GLIS3: variants seen among roughly 807,000 people sequenced by gnomAD.
GLIS3 encodes the protein GLIS family zinc finger 3, also known as zinc finger protein GLIS3.
Under a neutral mutation model 78.6 loss-of-function variants are expected in GLIS3, and 53 were observed. That is an observed-to-expected ratio of 0.67 (90% CI 0.54 to 0.85). The LOEUF (loss-of-function observed/expected upper bound fraction) is 0.85, where lower values mean the gene tolerates loss of function less well. Ranked by LOEUF, GLIS3 falls within the 40% of genes least tolerant of loss-of-function variation. The pLI is 0.00. For missense variants in GLIS3, 1,703 were observed against 1,231.1 expected (o/e 1.38, Z -5.74); for synonymous variants, 684 against 509.9 (o/e 1.34, Z -4.60).
chr9:4,198,949 T>C (rs1819114628), intron 2 of GLIS3, among the ~76,000 whole-genome samples: 1 of 152,218 alleles, frequency 6.6e-6, no homozygotes, highest in Non-Finnish European at 1.5e-5. Flanking sequence ...AAGAATTTCA[T>C]ATCCCACCAA....
At chr9:3,848,291 G>A (rs773385154) in intron 9 of GLIS3, among the ~76,000 whole-genome samples, 2 of 151,984 alleles carry the variant, frequency 1.3e-5, no homozygotes, top group African/African-American at 2.4e-5. Flanking sequence ...ACCTGGGCTC[G>A]GGAGTTCAAG....
chr9:4,104,932 T>C (rs753707942), intron 4 of GLIS3, among the ~76,000 whole-genome samples: 3 of 152,120 alleles, frequency 2.0e-5, no homozygotes, highest in Non-Finnish European at 2.9e-5. Context: ...ATGAGTGAAA[T>C]AGAGATAGTT....
At chr9:3,933,654 C>G (rs1374408276) in intron 5 of GLIS3, among the ~76,000 whole-genome samples, 1 of 152,090 alleles carries the variant, frequency 6.6e-6, no homozygotes, top group Non-Finnish European at 1.5e-5. Context: ...AGACCTGAAA[C>G]CATGTCTTGG....
At chr9:3,870,999 G>A (rs892967252) in intron 8 of GLIS3, among the ~76,000 whole-genome samples, 31 of 152,316 alleles carry the variant, frequency 2.0e-4, no homozygotes, top group African/African-American at 7.5e-4. Flanking sequence ...CAGATACAAT[G>A]GGGATACAGA....
the GLIS3 span, among the ~76,000 whole-genome samples, chr9:4,480,200 CTTTTTTTTT>C: frequency 1.1e-5 from 1 of 93,888 alleles, no homozygotes; most frequent in Non-Finnish European, 2.0e-5. Flanking sequence ...GCTGGGCTTT[CTTTTTTTTT>C]TTTTTTTTTT....
chr9:4,065,589 ACAG>A (rs1369836795), intron 4 of GLIS3, among the ~76,000 whole-genome samples: 1 of 152,210 alleles, frequency 6.6e-6, no homozygotes, highest in Non-Finnish European at 1.5e-5. Context: ...CTTATGAAAA[ACAG>A]CACTGTTATG....
the GLIS3 span, among the ~76,000 whole-genome samples, chr9:4,366,450 T>G: frequency 6.6e-6 from 1 of 152,138 alleles, no homozygotes; most frequent in Non-Finnish European, 1.5e-5. Flanking sequence ...AATAATTGGC[T>G]TGACTAGATT....
chr9:4,284,864 G>A (rs1196660929), intron 2 of GLIS3, among the ~76,000 whole-genome samples: 3 of 152,150 alleles, frequency 2.0e-5, no homozygotes, highest in Non-Finnish European at 4.4e-5. Context: ...GCTGCAGTGA[G>A]ACCAAGATCA....
At chr9:4,081,913 C>T (rs1212937223) in intron 4 of GLIS3, among the ~76,000 whole-genome samples, 2 of 152,184 alleles carry the variant, frequency 1.3e-5, no homozygotes, top group Non-Finnish European at 2.9e-5. Flanking sequence ...GCAAAATACT[C>T]CTAGAAGCCA....
At chr9:4,253,440 T>C (rs1054450667) in intron 2 of GLIS3, among the ~76,000 whole-genome samples, 26 of 152,354 alleles carry the variant, frequency 1.7e-4, no homozygotes, top group African/African-American at 6.0e-4. Flanking sequence ...GCTTCAGTAA[T>C]GGTGGATGAC....
intron 2 of GLIS3, among the ~76,000 whole-genome samples, chr9:4,182,340 G>A (rs923659284): frequency 3.9e-5 from 6 of 152,124 alleles, no homozygotes; most frequent in Admixed American, 2.0e-4. Context: ...GGTGTCGTCC[G>A]TACTCCTTCA....
intron 6 of GLIS3, among the ~76,000 whole-genome samples, chr9:3,908,978 A>C (rs1182540422): frequency 6.6e-6 from 1 of 152,192 alleles, no homozygotes; most frequent in Non-Finnish European, 1.5e-5. Flanking sequence ...GGCACAATCA[A>C]AGGCCTTTTG....
chr9:3,834,153 T>A (rs1818208428), intron 9 of GLIS3, among the ~76,000 whole-genome samples: 1 of 152,214 alleles, frequency 6.6e-6, no homozygotes, highest in Non-Finnish European at 1.5e-5. Context: ...TTTCTTTTTC[T>A]TTTAGTCACG....
intron 2 of GLIS3, among the ~76,000 whole-genome samples, chr9:4,269,019 G>A (rs1376116039): frequency 1.3e-5 from 2 of 152,160 alleles, no homozygotes; most frequent in Non-Finnish European, 1.5e-5. Flanking sequence ...AACCATAGCA[G>A]CCTCTTTCCC....
At chr9:4,298,480 G>T (rs1325753291) in intron 1 of GLIS3, 1 of 447,730 alleles carries the variant, frequency 2.2e-6, no homozygotes, top group African/African-American at 2.0e-5. Flanking sequence ...GTCAGCTCCA[G>T]TGAGTAACTT....
At chr9:4,267,054 A>G (rs994147224) in intron 2 of GLIS3, among the ~76,000 whole-genome samples, 2 of 152,224 alleles carry the variant, frequency 1.3e-5, no homozygotes, top group African/African-American at 2.4e-5. Context: ...AGAATCAGGA[A>G]GCAAAATGGA....
intron 3 of GLIS3, chr9:4,308,978 G>A (rs1817294962): frequency 6.6e-6 from 1 of 152,376 alleles, no homozygotes; most frequent in Admixed American, 6.5e-5. Context: ...TCTGCAAAAG[G>A]AGAATGAATA....
In GLIS3 at chr9:4,320,261, C is replaced by G. The variant is rs185487167; in HGVS notation, n.265-9733G>C. Among the ~76,000 whole-genome samples the G allele has an allele frequency of 4.6e-3, 707 of 152,280 alleles. 5 individuals carry two copies. The highest frequency in any genetic ancestry group is 7.1e-3 in the Non-Finnish European group (485 of 68,032). On this transcript the variant is annotated intron_variant and non_coding_transcript_variant, in intron 2 of 4. Coordinates refer to the GLIS3 transcript ENST00000471664. ...TGCTTCATTCACTCCAGTTGCCTGA[C>G]TAGCCCCTAAAAGAATTTGAGTTTG...
At chr9:4,290,251 T>A (rs1010127817) in intron 1 of GLIS3, among the ~76,000 whole-genome samples, 2 of 152,156 alleles carry the variant, frequency 1.3e-5, no homozygotes. Context: ...ACATTTTCCA[T>A]TTCTTATGCC....
Sources: gnomAD v4.1 joint callset for allele counts (sites outside exome capture counted in the v4.1 genomes callset) on GRCh38, gnomAD v4.1.1 for gene constraint, MANE v1.5 for transcripts, NCBI Gene and HGNC (gene_info 2026-07-23, HGNC 2026-07-21) for gene names.